The following STXBP5L variants were observed in gnomAD, a reference collection of about 807,000 sequenced individuals.
STXBP5L encodes the protein syntaxin binding protein 5L, also known as syntaxin-binding protein 5-like.
A neutral mutation model predicts 144.5 loss-of-function variants in STXBP5L; 65 were observed. The observed-to-expected ratio is 0.45, with a 90% CI of 0.37 to 0.55. The LOEUF is 0.55. STXBP5L is among the 20% of genes least tolerant of loss of function. The probability of loss-of-function intolerance (pLI) is 0.00; values close to 1 mark genes in which losing one functional copy is unlikely to be tolerated. For synonymous variants in STXBP5L, 505 were observed against 469.6 expected (o/e 1.08, Z -0.97); for missense variants, 1,298 against 1,405.5 (o/e 0.92, Z 1.22).
At chr3:121,279,318 T>C (rs2050977667) in intron 18 of STXBP5L, among the ~76,000 whole-genome samples, 1 of 151,916 alleles carries the variant, frequency 6.6e-6, no homozygotes, top group East Asian at 1.9e-4. Flanking sequence ...ATTTCTAATA[T>C]AGTGTCAATG....
chr3:121,077,298 G>A (rs2042059916), intron 5 of STXBP5L, among the ~76,000 whole-genome samples: 1 of 152,178 alleles, frequency 6.6e-6, no homozygotes, highest in African/African-American at 2.4e-5. Flanking sequence ...GAATTGGTGG[G>A]TTCTTGGTCT....
At chr3:121,146,253 C>G (rs1261053294) in intron 7 of STXBP5L, among the ~76,000 whole-genome samples, 1 of 151,878 alleles carries the variant, frequency 6.6e-6, no homozygotes, top group Non-Finnish European at 1.5e-5. Flanking sequence ...TCTGGAGAAC[C>G]CTGACTAATA....
intron 10 of STXBP5L, among the ~76,000 whole-genome samples, chr3:121,210,780 A>G (rs1266618706): frequency 6.6e-6 from 1 of 151,892 alleles, no homozygotes; most frequent in Non-Finnish European, 1.5e-5. Context: ...GTTCTGTTCC[A>G]TTAGTCTATA....
At chr3:121,279,354 AT>A (rs1380290905) in intron 18 of STXBP5L, among the ~76,000 whole-genome samples, 1 of 151,830 alleles carries the variant, frequency 6.6e-6, no homozygotes, top group Non-Finnish European at 1.5e-5. Context: ...GTTAATTTTT[AT>A]TTTTCTCTCT....
chr3:121,071,469 T>G (rs931495202), intron 5 of STXBP5L, among the ~76,000 whole-genome samples: 24 of 152,152 alleles, frequency 1.6e-4, no homozygotes, highest in Non-Finnish European at 2.9e-4. Context: ...GTGACTTGGT[T>G]TCACTGCAGG....
chr3:121,416,079 G>T, intron 25 of STXBP5L, 111 bp downstream of exon 25: 1 of 764,418 alleles, frequency 1.3e-6, no homozygotes, highest in Non-Finnish European at 2.1e-6. Flanking sequence ...TCTAGACTAC[G>T]TATTTTTTGC....
chr3:121,040,284 T>C (rs1327732495), intron 3 of STXBP5L, among the ~76,000 whole-genome samples: 2 of 152,108 alleles, frequency 1.3e-5, no homozygotes, highest in Admixed American at 6.6e-5. Flanking sequence ...TTTTGTAACC[T>C]GGTTTTAAGT....
At chr3:121,349,655 T>C (rs1278472674) in intron 20 of STXBP5L, among the ~76,000 whole-genome samples, 1 of 152,106 alleles carries the variant, frequency 6.6e-6, no homozygotes, top group Non-Finnish European at 1.5e-5. Flanking sequence ...ATTGGGGGCA[T>C]ATATATTTAG....
intron 20 of STXBP5L, among the ~76,000 whole-genome samples, chr3:121,359,065 T>C (rs1230961889): frequency 1.3e-5 from 2 of 152,170 alleles, no homozygotes; most frequent in Non-Finnish European, 2.9e-5. Flanking sequence ...TATTTCATAT[T>C]CCCACCAACA....
intron 3 of STXBP5L, among the ~76,000 whole-genome samples, chr3:121,010,323 C>G (rs1944677965): frequency 6.6e-6 from 1 of 151,790 alleles, no homozygotes; most frequent in African/African-American, 2.4e-5. Context: ...GAATTGGTCT[C>G]CCCTTCAATT....
At chr3:121,051,395 A>C (rs1020252691) in intron 5 of STXBP5L, among the ~76,000 whole-genome samples, 51 of 152,280 alleles carry the variant, frequency 3.3e-4, no homozygotes, top group African/African-American at 4.8e-4. Context: ...TCTCTCAGAC[A>C]ACAGTGCAAT....
At chr3:121,073,201 G>C (rs1003959066) in intron 5 of STXBP5L, among the ~76,000 whole-genome samples, 3 of 152,130 alleles carry the variant, frequency 2.0e-5, no homozygotes, top group African/African-American at 7.2e-5. Flanking sequence ...GTGATACCCT[G>C]GGCCACACAA....
Position 121,240,527 on chromosome 3 carries a change from G to C in STXBP5L, c.1400+20G>C. 1 of 1,609,258 alleles carries C rather than the reference G, an allele frequency of 6.2e-7. No homozygotes were observed. The highest frequency in any genetic ancestry group is 8.5e-7 in the Non-Finnish European group (1 of 1,176,290). ...TACTGGGTAAGTAGATGTGTTTTGTGAGTTATTAGTTCATCAACAAAAAGA... is the reference window on the plus strand; with the variant it reads ...TACTGGGTAAGTAGATGTGTTTTGTCAGTTATTAGTTCATCAACAAAAAGA... On this transcript the variant is annotated intron_variant, in intron 14 of 26. Transcript: ENST00000471454.
chr3:121,007,641 A>G (rs753486072), intron 3 of STXBP5L, among the ~76,000 whole-genome samples: 1 of 152,022 alleles, frequency 6.6e-6, no homozygotes, highest in Non-Finnish European at 1.5e-5. Flanking sequence ...AGATAACAGG[A>G]TGAGGGTGGG....
intron 5 of STXBP5L, among the ~76,000 whole-genome samples, chr3:121,090,304 A>G (rs1281881398): frequency 6.6e-6 from 1 of 150,956 alleles, no homozygotes; most frequent in East Asian, 1.9e-4. Context: ...GACATCTTAG[A>G]TAGGGAGAGA....
chr3:121,059,316 T>G (rs1339061004), intron 5 of STXBP5L, among the ~76,000 whole-genome samples: 2 of 152,170 alleles, frequency 1.3e-5, no homozygotes, highest in East Asian at 3.9e-4. Context: ...GCCTCTGTTG[T>G]GTTCCATAGG....
intron 3 of STXBP5L, among the ~76,000 whole-genome samples, chr3:121,006,685 G>T (rs1040059056): frequency 2.0e-5 from 3 of 152,136 alleles, no homozygotes; most frequent in Admixed American, 1.3e-4. Flanking sequence ...GCAGTGGCTG[G>T]TGCCAGTTTT....
intron 22 of STXBP5L, among the ~76,000 whole-genome samples, chr3:121,389,508 T>C (rs1311332942): frequency 2.6e-5 from 4 of 152,218 alleles, no homozygotes; most frequent in Non-Finnish European, 5.9e-5. Context: ...TCCTGCTTTC[T>C]CTTGTGGGCA....
At chr3:121,185,908 A>G (rs1386910655) in intron 9 of STXBP5L, among the ~76,000 whole-genome samples, 2 of 152,190 alleles carry the variant, frequency 1.3e-5, no homozygotes, top group Non-Finnish European at 2.9e-5. Flanking sequence ...TTTTCACAAT[A>G]TTGATTCTTC....
Sources: gnomAD v4.1 joint callset for allele counts (sites outside exome capture counted in the v4.1 genomes callset) on GRCh38, gnomAD v4.1.1 for gene constraint, MANE v1.5 for transcripts, NCBI Gene and HGNC (gene_info 2026-07-23, HGNC 2026-07-21) for gene names.